Variants in CAMKMT observed in about 807,000 individuals in gnomAD.
CAMKMT encodes calmodulin-lysine N-methyltransferase, also known as CaM KMT.
In CAMKMT, 53 loss-of-function variants were observed where a neutral mutation model predicts 48.0. That is an observed-to-expected ratio of 1.10 (90% CI 0.89 to 1.39). The LOEUF (loss-of-function observed/expected upper bound fraction) is 1.39. CAMKMT is among the 40% of genes most tolerant of loss of function. The probability of loss-of-function intolerance (pLI) is 0.00; values close to 1 mark genes in which losing one functional copy is unlikely to be tolerated. For missense variants in CAMKMT, 428 were observed against 402.7 expected (o/e 1.06, Z -0.54); for synonymous variants, 165 against 152.3 (o/e 1.08, Z -0.61).
intron 2 of CAMKMT, among the ~76,000 whole-genome samples, chr2:44,376,509 A>G (rs966258048): frequency 1.3e-5 from 2 of 152,040 alleles, no homozygotes; most frequent in African/African-American, 4.8e-5. Flanking sequence ...CTCAGTTCTT[A>G]TCGCCTAAGA....
chr2:44,715,840 C>T (rs573920754), intron 7 of CAMKMT, among the ~76,000 whole-genome samples: 2 of 152,100 alleles, frequency 1.3e-5, no homozygotes, highest in Admixed American at 1.3e-4. Context: ...CTTAGGACAC[C>T]CCCGTACAAC....
chr2:44,590,815 T>G (rs1012566060), intron 3 of CAMKMT, among the ~76,000 whole-genome samples: 1 of 151,896 alleles, frequency 6.6e-6, no homozygotes, highest in Non-Finnish European at 1.5e-5. Flanking sequence ...GTTTTAGACA[T>G]GAAGTCCTTG....
intron 3 of CAMKMT, among the ~76,000 whole-genome samples, chr2:44,563,840 G>A (rs558898544): frequency 9.2e-5 from 14 of 152,162 alleles, no homozygotes; most frequent in Non-Finnish European, 1.9e-4. Flanking sequence ...ATTCCGTGGT[G>A]TATATGTGCC....
At chr2:44,433,794 T>C (rs540892115) in intron 3 of CAMKMT, among the ~76,000 whole-genome samples, 21 of 152,336 alleles carry the variant, frequency 1.4e-4, no homozygotes, top group African/African-American at 5.0e-4. Context: ...CAGTTATCAA[T>C]GTTTATTCAA....
rs142111584 is a variant in CAMKMT, at chr2:44,553,618, C to T, written c.377-150665C>T. Among the ~76,000 whole-genome samples, 170 of 152,272 alleles carry T rather than the reference C, an allele frequency of 1.1e-3. 2 individuals carry two copies. The East Asian group carries it at 0.024, about 21-fold the overall frequency. On this transcript the variant is annotated intron_variant, in intron 3 of 10. Coordinates refer to ENST00000378494, the MANE Select transcript of CAMKMT (RefSeq NM_024766.5). ...TCAAGCCATCTACCCAACTCAGCTT[C>T]CCAAAGTGCTAGAATTACAGTTGTG...
At chr2:44,574,578 C>CA in intron 3 of CAMKMT, among the ~76,000 whole-genome samples, 1 of 150,712 alleles carries the variant, frequency 6.6e-6, no homozygotes, top group East Asian at 1.9e-4. Flanking sequence ...ATGAAGACTC[C>CA]AAAATGCCAG....
At chr2:44,565,296 G>A (rs1248963808) in intron 3 of CAMKMT, among the ~76,000 whole-genome samples, 2 of 152,056 alleles carry the variant, frequency 1.3e-5, no homozygotes, top group Admixed American at 1.3e-4. Flanking sequence ...AATAAAGTAG[G>A]CAATGTGGTG....
At chr2:44,602,109 G>C (rs983240834) in intron 3 of CAMKMT, among the ~76,000 whole-genome samples, 2 of 151,898 alleles carry the variant, frequency 1.3e-5, no homozygotes, top group African/African-American at 4.8e-5. Context: ...AGGCTCAAGC[G>C]ATCCTCCCAC....
intron 3 of CAMKMT, among the ~76,000 whole-genome samples, chr2:44,587,430 C>G (rs1669917760): frequency 6.7e-6 from 1 of 149,526 alleles, no homozygotes; most frequent in African/African-American, 2.5e-5. Context: ...ATTTTTAGCT[C>G]TCCCTCTCCC....
chr2:44,475,110 A>G (rs183969390), intron 3 of CAMKMT, among the ~76,000 whole-genome samples: 15 of 152,300 alleles, frequency 9.8e-5, no homozygotes, highest in Admixed American at 5.2e-4. Context: ...TTAGTTTAAT[A>G]TCCATGTTCC....
chr2:44,482,415 A>T (rs576747941), intron 3 of CAMKMT, among the ~76,000 whole-genome samples: 40 of 152,254 alleles, frequency 2.6e-4, no homozygotes, highest in South Asian at 1.7e-3. Context: ...AATGATTATC[A>T]TTGTGAGCAT....
chr2:44,741,790 CT>C (rs1318239425), intron 7 of CAMKMT, among the ~76,000 whole-genome samples: 1 of 152,194 alleles, frequency 6.6e-6, no homozygotes, highest in African/African-American at 2.4e-5. Flanking sequence ...GCTTAGACCC[CT>C]ATCTCTCCAG....
chr2:44,631,273 G>A (rs1415125358), intron 3 of CAMKMT, among the ~76,000 whole-genome samples: 1 of 152,138 alleles, frequency 6.6e-6, no homozygotes, highest in African/African-American at 2.4e-5. Flanking sequence ...GGGAGGGATA[G>A]CATTGAGAGA....
At chr2:44,741,050 C>T (rs1679649699) in intron 7 of CAMKMT, among the ~76,000 whole-genome samples, 1 of 152,152 alleles carries the variant, frequency 6.6e-6, no homozygotes, top group South Asian at 2.1e-4. Flanking sequence ...TACTGATCTG[C>T]AAGGAGATAA....
At chr2:44,680,290 A>G (rs1475888250) in intron 3 of CAMKMT, among the ~76,000 whole-genome samples, 1 of 152,214 alleles carries the variant, frequency 6.6e-6, no homozygotes, top group African/African-American at 2.4e-5. Context: ...CATGGCAGCC[A>G]TGGCTATTAT....
At chr2:44,578,783 A>C (rs996118379) in intron 3 of CAMKMT, among the ~76,000 whole-genome samples, 4 of 152,214 alleles carry the variant, frequency 2.6e-5, no homozygotes, top group African/African-American at 9.7e-5. Flanking sequence ...AACAAAAAGC[A>C]ATCAAAGGGA....
At chr2:44,363,488 C>G (rs1330387481) in intron 1 of CAMKMT, among the ~76,000 whole-genome samples, 1 of 151,790 alleles carries the variant, frequency 6.6e-6, no homozygotes, top group Non-Finnish European at 1.5e-5. Flanking sequence ...AATGATTCTC[C>G]TTCCTCAGTC....
rs1201027124 is a variant in CAMKMT at position 44,618,466 on chromosome 2, T to G, written c.377-85817T>G. ...CAAGAAGGGTGGCACTTGGGGACCT[T>G]TTTGCTTTAGGTCGAAGGCTTTTCA... On this transcript the variant is annotated intron_variant, in intron 3 of 10. Coordinates refer to ENST00000378494, the MANE Select transcript of CAMKMT (RefSeq NM_024766.5). The surrounding 1 kb of genome is among the most constrained non-coding windows in gnomAD (Gnocchi z 4.0). Among the ~76,000 whole-genome samples the G allele has an allele frequency of 6.6e-6, 1 of 152,152 alleles. No homozygotes were observed. Among genetic ancestry groups the G allele is most frequent in the African/African-American group, 2.4e-5 (1 of 41,422 alleles).
At chr2:44,686,044 G>A (rs1219852139) in intron 3 of CAMKMT, among the ~76,000 whole-genome samples, 1 of 152,116 alleles carries the variant, frequency 6.6e-6, no homozygotes, top group Non-Finnish European at 1.5e-5. Flanking sequence ...TTCAAATTAT[G>A]ACTTTCTGAC....
Sources: allele counts gnomAD v4.1 joint callset (sites outside exome capture counted in the v4.1 genomes callset), GRCh38; gene constraint gnomAD v4.1.1; non-coding constraint Gnocchi (gnomAD v3.1); transcripts MANE v1.5; gene names NCBI Gene and HGNC (gene_info 2026-07-23, HGNC 2026-07-21).